TMEM132B: variants seen among roughly 807,000 people sequenced by gnomAD.
TMEM132B encodes transmembrane protein 132B.
Under a neutral mutation model 90.8 loss-of-function variants are expected in TMEM132B, and 18 were observed. The observed-to-expected ratio is 0.20, with a 90% CI of 0.14 to 0.29. The LOEUF is 0.29. Among genes scored for constraint, TMEM132B ranks in the 10% least tolerant of loss-of-function variants. The pLI is 1.00. For synonymous variants in TMEM132B, 504 were observed against 523.3 expected, an observed-to-expected ratio of 0.96 and a Z score of 0.50; for missense variants, 1,096 against 1,326.8, an observed-to-expected ratio of 0.83 and a Z score of 2.70.
chr12:125,484,420 C>T (rs897553610), intron 3 of TMEM132B, among the ~76,000 whole-genome samples: 3 of 152,104 alleles, frequency 2.0e-5, no homozygotes, highest in African/African-American at 7.2e-5. Flanking sequence ...AGGCGTCCTA[C>T]TCTGCACTGA....
chr12:125,514,192 C>T (rs769696538), intron 3 of TMEM132B, among the ~76,000 whole-genome samples: 4 of 152,074 alleles, frequency 2.6e-5, no homozygotes, highest in Non-Finnish European at 5.9e-5. Flanking sequence ...AGAATGCAAA[C>T]GCCACACGCC....
At chr12:125,302,436 G>C (rs1875854956) in intron 1 of TMEM132B, among the ~76,000 whole-genome samples, 2 of 151,918 alleles carry the variant, frequency 1.3e-5, no homozygotes, top group Admixed American at 1.3e-4. Context: ...TCATCAACCT[G>C]CAGAGGGATG....
At chr12:125,403,656 C>G (rs574730701) in intron 2 of TMEM132B, among the ~76,000 whole-genome samples, 65 of 152,264 alleles carry the variant, frequency 4.3e-4, no homozygotes, top group Non-Finnish European at 8.1e-4. Context: ...GATTTAGAAA[C>G]AATTGTATAA....
Position 125,480,309 on chromosome 12 carries a change from T to G in TMEM132B, c.1107-39130T>G, listed in dbSNP as rs534804426. 4.0e-3 allele frequency among the ~76,000 whole-genome samples: 602 copies of G among 152,016 alleles called. 6 individuals are homozygous for G. Among genetic ancestry groups the G allele is most frequent in the African/African-American group, 0.013 (554 of 41,396 alleles). ...CACAAAAAACCCTTCAAAAAATCAATGAATCCAGGAGCTGGTTTTTTGAAA... is the reference window on the plus strand; with the variant it reads ...CACAAAAAACCCTTCAAAAAATCAAGGAATCCAGGAGCTGGTTTTTTGAAA... On this transcript the variant is annotated intron_variant, in intron 3 of 8. Coordinates refer to ENST00000682704, the MANE Select transcript of TMEM132B (RefSeq NM_001366854.1).
chr12:125,480,723 A>G (rs967354038), intron 3 of TMEM132B, among the ~76,000 whole-genome samples: 2 of 152,248 alleles, frequency 1.3e-5, no homozygotes, highest in Non-Finnish European at 2.9e-5. Context: ...TATTCCAATC[A>G]ATAGAAAAAG....
Position 125,600,158 on chromosome 12 carries a change from G to A in TMEM132B, c.1437+16164G>A, listed in dbSNP as rs903507595. ...TTGGCAACAGTGTGAGGGATGAATT[G>A]GAGGGAGGAAAGAGCCCTTGAAGAA... On this transcript the variant is annotated intron_variant, in intron 5 of 8. Coordinates refer to ENST00000682704, the MANE Select transcript of TMEM132B (RefSeq NM_001366854.1). Among the ~76,000 whole-genome samples the A allele has an allele frequency of 2.0e-5, 3 of 152,122 alleles. No individual in the cohort carries two copies. The South Asian group carries it at 6.2e-4, about 32-fold the overall frequency.
At position 125,655,090 on chromosome 12, in the gene TMEM132B, G is replaced by C. The variant is rs1484552453; in HGVS notation, c.*380G>C. On this transcript the variant is annotated 3_prime_UTR_variant, in exon 9 of 9. Transcript: ENST00000682704. The stretch of plus-strand genomic sequence containing the variant: ...CTATTTCTAGACCTTTTAAAGCACA[G>C]TGGACACTTATTGCCCCTTGGCCTG... The C allele has an allele frequency of 5.1e-6, 1 of 195,696 alleles. No homozygotes were observed. The allele number at this position is 195,696 out of a possible 1,614,324, so 12.1% of individuals were successfully genotyped here.
At chr12:125,639,005 T>C (rs369109841) in intron 5 of TMEM132B, among the ~76,000 whole-genome samples, 7 of 152,370 alleles carry the variant, frequency 4.6e-5, no homozygotes, top group African/African-American at 1.7e-4. Flanking sequence ...TCCATGTTCC[T>C]GCCCTCAGCT....
Position 125,613,168 on chromosome 12 carries a change from A to G in TMEM132B, c.1437+29174A>G, listed in dbSNP as rs1334335525. Among the ~76,000 whole-genome samples, 26 of 124,890 alleles carry G rather than the reference A, an allele frequency of 2.1e-4. 4 individuals are homozygous for G. Among genetic ancestry groups the G allele is most frequent in the Non-Finnish European group, 2.9e-4 (18 of 62,588 alleles). The allele number at this position is 124,890 out of a possible 152,430, so 81.9% of individuals were successfully genotyped here. On this transcript the variant is annotated intron_variant, in intron 5 of 8. Coordinates refer to ENST00000682704, the MANE Select transcript of TMEM132B (RefSeq NM_001366854.1). ...AAATATATATCATATATATTTATAT[A>G]TTATATATAAATATATATCATATAT...
At chr12:125,591,707 G>A (rs1161215133) in intron 5 of TMEM132B, among the ~76,000 whole-genome samples, 1 of 152,160 alleles carries the variant, frequency 6.6e-6, no homozygotes, top group Non-Finnish European at 1.5e-5. Flanking sequence ...ATCGTTCCTT[G>A]CCTCTTCCAG....
intron 4 of TMEM132B, among the ~76,000 whole-genome samples, chr12:125,560,728 G>A (rs1040123453): frequency 3.9e-4 from 59 of 150,516 alleles, no homozygotes; most frequent in African/African-American, 1.3e-3. Context: ...GGGAGGCTGA[G>A]GCAGGACAAT....
chr12:125,463,007 G>A (rs1393988741), intron 3 of TMEM132B, among the ~76,000 whole-genome samples: 1 of 152,214 alleles, frequency 6.6e-6, no homozygotes, highest in Non-Finnish European at 1.5e-5. Context: ...TCTCTATGAT[G>A]TTAAAGCTTT....
intron 1 of TMEM132B, among the ~76,000 whole-genome samples, chr12:125,187,371 C>T (rs928553370): frequency 3.3e-5 from 5 of 152,218 alleles, no homozygotes; most frequent in African/African-American, 1.2e-4. Context: ...CTCCCCACGC[C>T]CCGCGGCCCT....
In TMEM132B at chr12:125,277,715, G is replaced by A. The variant is rs1018343744; in HGVS notation, c.68-71737G>A. Among the ~76,000 whole-genome samples the A allele has an allele frequency of 6.6e-6, 1 of 152,098 alleles. No individual in the cohort carries two copies. Among genetic ancestry groups the A allele is most frequent in the African/African-American group, 2.4e-5 (1 of 41,420 alleles). ...TTGGTCTTGGACCTCTGGCCCCCAG[G>A]ACTATGAGAGAATAAATTTCTGTTG... is the stretch of plus-strand genomic sequence containing the variant. On this transcript the variant is annotated intron_variant, in intron 1 of 8. Coordinates refer to ENST00000682704, the MANE Select transcript of TMEM132B (RefSeq NM_001366854.1). The surrounding 1 kb of genome is among the most constrained non-coding windows in gnomAD (Gnocchi z 4.3).
chr12:125,420,779 A>C (rs1880145886), intron 3 of TMEM132B, among the ~76,000 whole-genome samples: 1 of 152,172 alleles, frequency 6.6e-6, no homozygotes, highest in African/African-American at 2.4e-5. Flanking sequence ...CCTTTTAAAC[A>C]TAAGTTCCAA....
chr12:125,622,154 T>C (rs539928296), intron 5 of TMEM132B, among the ~76,000 whole-genome samples: 1 of 152,296 alleles, frequency 6.6e-6, no homozygotes, highest in African/African-American at 2.4e-5. Flanking sequence ...CTCCCTGTTC[T>C]CAACAGGGAT....
At chr12:125,436,364 T>C (rs1037041072) in intron 3 of TMEM132B, among the ~76,000 whole-genome samples, 16 of 152,182 alleles carry the variant, frequency 1.1e-4, no homozygotes, top group African/African-American at 2.9e-4. Flanking sequence ...TATGGAATCG[T>C]ACCTCTTCCC....
intron 1 of TMEM132B, among the ~76,000 whole-genome samples, chr12:125,264,917 G>A (rs749929639): frequency 2.6e-5 from 4 of 152,236 alleles, no homozygotes; most frequent in Non-Finnish European, 5.9e-5. Flanking sequence ...ATAGTTATGC[G>A]TTACTTAATG....
At chr12:125,535,954 A>G (rs1883784496) in intron 4 of TMEM132B, among the ~76,000 whole-genome samples, 1 of 152,214 alleles carries the variant, frequency 6.6e-6, no homozygotes, top group Non-Finnish European at 1.5e-5. Flanking sequence ...CAACCACATC[A>G]GACTTCTGTG....
Sources: allele counts gnomAD v4.1 joint callset (sites outside exome capture counted in the v4.1 genomes callset), GRCh38; gene constraint gnomAD v4.1.1; non-coding constraint Gnocchi (gnomAD v3.1); transcripts MANE v1.5; gene names NCBI Gene and HGNC (gene_info 2026-07-23, HGNC 2026-07-21).